Variants in UBR4 observed in about 807,000 individuals in gnomAD.
The protein encoded by UBR4 is ubiquitin protein ligase E3 component n-recognin 4.
In UBR4, 124 loss-of-function variants were observed where a neutral mutation model predicts 575.6. The observed-to-expected ratio is 0.22, with a 90% CI of 0.19 to 0.25. The LOEUF (loss-of-function observed/expected upper bound fraction) is 0.25, where lower values mean the gene tolerates loss of function less well. Among genes scored for constraint, UBR4 ranks in the 10% least tolerant of loss-of-function variants. UBR4 has a pLI of 1.00. For missense variants in UBR4, 4,818 were observed against 6,478.8 expected, an observed-to-expected ratio of 0.74 and a Z score of 8.80; for synonymous variants, 2,455 against 2,473.7, an observed-to-expected ratio of 0.99 and a Z score of 0.22.
chr1:19,187,035 G>A, intron 13 of UBR4, 129 bp downstream of exon 13: 1 of 756,622 alleles, frequency 1.3e-6, no homozygotes. Context: ...GGTCTATAAA[G>A]GTCATGGTGT....
intron 11 of UBR4, among the ~76,000 whole-genome samples, chr1:19,190,643 T>C (rs1438746498): frequency 6.6e-6 from 1 of 152,156 alleles, no homozygotes; most frequent in Non-Finnish European, 1.5e-5. Context: ...TACAACCCAG[T>C]GACCTCAAGC....
intron 55 of UBR4, 90 bp from the exon 56 acceptor site, chr1:19,141,867 G>A: frequency 6.4e-7 from 1 of 1,559,448 alleles, no homozygotes; most frequent in Non-Finnish European, 8.7e-7. Context: ...AAAAACCCAA[G>A]ACAAGCTACC....
Position 19,172,844 on chromosome 1 carries a change from G to A in UBR4, c.3521+20C>T. 6.2e-7 allele frequency: 1 copy of A among 1,610,478 alleles called. No homozygotes were observed. The highest frequency in any genetic ancestry group is 1.1e-5 in the South Asian group (1 of 90,992). Reference sequence around the variant, plus strand: ...GAGTGAAGAGTGCATGTGCATCTCTGGGCAGGCAGTTCGCCACACCTGGTG... The same window carrying A: ...GAGTGAAGAGTGCATGTGCATCTCTAGGCAGGCAGTTCGCCACACCTGGTG... On this transcript the variant is annotated intron_variant, in intron 25 of 105. Coordinates refer to ENST00000375254, the MANE Select transcript of UBR4 (RefSeq NM_020765.3).
chr1:19,103,950 G>T, intron 87 of UBR4, 134 bp downstream of exon 87: 1 of 1,020,926 alleles, frequency 9.8e-7, no homozygotes, highest in Non-Finnish European at 1.4e-6. Flanking sequence ...CAAGAAATGA[G>T]TCTCCCTTTG....
Position 19,153,812 on chromosome 1 carries a change from T to C in UBR4, c.6586A>G (p.Thr2196Ala), listed in dbSNP as rs760014767. 2.0e-5 allele frequency: 33 copies of C among 1,614,186 alleles called. 1 individual carries two copies. Among genetic ancestry groups the C allele is most frequent in the South Asian group, 5.5e-5 (5 of 91,082 alleles). Residue 2196 changes from threonine (T) to alanine (A), a missense_variant, in exon 45 of 106, where the codon ACT (threonine) becomes GCT (alanine). Around this residue, in one of 29 missense-constraint regions of UBR4, gnomAD observed 461 missense variants for 606.9 expected, o/e 0.76. Coordinates refer to ENST00000375254, the MANE Select transcript of UBR4 (RefSeq NM_020765.3). This position sits in a 1 kb window ranked among gnomAD's most constrained non-coding sequence, Gnocchi z 4.1. ...GTCTTAATCTCCTGGATAAGAAAAG[T>C]GTCTGGTTTCACCATAACTACCAGC... ...VPLVVMVKPD[T>A]FLIQEIKTLP...
intron 35 of UBR4, 63 bp downstream of exon 35, chr1:19,162,357 C>T: frequency 6.5e-7 from 1 of 1,538,392 alleles, no homozygotes. Flanking sequence ...GAGCCAAAAG[C>T]TTGGTACCAT....
chr1:19,151,454 C>G, intron 48 of UBR4, 189 bp downstream of exon 48: 1 of 658,458 alleles, frequency 1.5e-6, no homozygotes. Context: ...TGCTACCATG[C>G]TCCGGTGTAC....
chr1:19,144,975 C>A (rs545067293), intron 53 of UBR4, 68 bp from the exon 54 acceptor site: 4 of 1,585,864 alleles, frequency 2.5e-6, no homozygotes, highest in African/African-American at 1.4e-5. Context: ...GAGTCTGAGA[C>A]AAAAGTGTAA....
intron 81 of UBR4, among the ~76,000 whole-genome samples, chr1:19,109,681 G>C (rs1438656393): frequency 1.3e-5 from 2 of 152,240 alleles, no homozygotes; most frequent in Non-Finnish European, 2.9e-5. Context: ...GGAACAACTT[G>C]CCCAACATCA....
At position 19,089,812 on chromosome 1, in the gene UBR4, T is replaced by C. The variant is rs1401088056; in HGVS notation, c.14212-835A>G. Among the ~76,000 whole-genome samples, 1 of 152,196 alleles carries C rather than the reference T, an allele frequency of 6.6e-6. No individual in the cohort carries two copies. Among genetic ancestry groups the C allele is most frequent in the Non-Finnish European group, 1.5e-5 (1 of 68,028 alleles). On this transcript the variant is annotated intron_variant, in intron 97 of 105. Transcript: ENST00000375254. This position sits in a 1 kb window ranked among gnomAD's most constrained non-coding sequence, Gnocchi z 4.3. ...AAATCTGTTCTCACAGCAAGTCCAC[T>C]TCCAATCTGTGTCTCAGCGAAATTA...
chr1:19,189,999 T>C (rs1486198129), intron 11 of UBR4, among the ~76,000 whole-genome samples: 1 of 151,982 alleles, frequency 6.6e-6, no homozygotes, highest in Non-Finnish European at 1.5e-5. Context: ...AGATACAATT[T>C]GACATGGCCA....
In UBR4 at chr1:19,115,126, AGC is replaced by A. The variant is rs1437598372; in HGVS notation, c.11064-179_11064-178del. Among the ~76,000 whole-genome samples, 3 of 152,052 alleles carry A rather than the reference AGC, an allele frequency of 2.0e-5. No homozygotes were observed. In the East Asian group the frequency reaches 5.8e-4, roughly 29 times the overall value. ...CAGGTAACAAGAAAGCAAGACCCAG[AGC>A]TAAACTTCTGGACCTCCCTCCGCCC... is the stretch of plus-strand genomic sequence containing the variant. On this transcript the variant is annotated intron_variant, in intron 74 of 105. Coordinates refer to ENST00000375254, the MANE Select transcript of UBR4 (RefSeq NM_020765.3).
At chr1:19,201,162 T>C (rs10157516) in intron 2 of UBR4, among the ~76,000 whole-genome samples, 4 of 152,092 alleles carry the variant, frequency 2.6e-5, no homozygotes, top group Non-Finnish European at 5.9e-5. Flanking sequence ...TTAAAATAAT[T>C]AGAATTCTTC....
At chr1:19,085,768 G>A (rs560803156) in intron 101 of UBR4, among the ~76,000 whole-genome samples, 15 of 152,252 alleles carry the variant, frequency 9.9e-5, no homozygotes, top group Non-Finnish European at 1.2e-4. Flanking sequence ...AGCCACTTTC[G>A]TATTTAAACC....
intron 74 of UBR4, among the ~76,000 whole-genome samples, 200 bp downstream of exon 74, chr1:19,115,194 CACAT>C (rs57046868): frequency 0.33 from 41,585 of 127,106 alleles, 6,507 homozygotes; most frequent in East Asian, 0.63. Flanking sequence ...CACTCGTGTG[CACAT>C]GCACACACAC....
At chr1:19,175,079 C>T in intron 20 of UBR4, 46 bp from the exon 21 acceptor site, 1 of 1,518,228 alleles carries the variant, frequency 6.6e-7, no homozygotes, top group Non-Finnish European at 9.1e-7. Context: ...ATTCTTAACT[C>T]TATCTGACTA....
intron 97 of UBR4, among the ~76,000 whole-genome samples, chr1:19,091,546 A>T (rs2077511655): frequency 6.6e-6 from 1 of 152,266 alleles, no homozygotes; most frequent in African/African-American, 2.4e-5. Flanking sequence ...CATTTCACTG[A>T]AGATACACAG....
chr1:19,210,093 C>A lies in UBR4; in HGVS notation c.156G>T (p.Leu52=), dbSNP rs1478777704. 6 of 1,576,896 alleles carry A rather than the reference C, an allele frequency of 3.8e-6. No homozygotes were observed. In the Admixed American group the frequency reaches 9.0e-5, roughly 24 times the overall value. ...SAFEMKELPQ[L]VASVIESESE... ...GGTACCTCTCGATGACTGAGGCCAC[C>A]AGCTGCGGCAACTCCTTCATCTCGA... is the stretch of plus-strand genomic sequence containing the variant. The change falls in exon 1 of 106, where the codon CTG becomes CTT. Residue 52 remains leucine (L), a synonymous_variant. Transcript: ENST00000375254.
At position 19,087,723 on chromosome 1, in the gene UBR4, C is replaced by T; in HGVS notation, c.14544+93G>A. The T allele has an allele frequency of 5.9e-6, 6 of 1,017,020 alleles. No individual in the cohort carries two copies. In the Middle Eastern group the frequency reaches 9.4e-4, roughly 159 times the overall value. The allele number at this position is 1,017,020 out of a possible 1,614,324, so 63.0% of individuals were successfully genotyped here. A position where few individuals can be genotyped will look rare whatever the true frequency, so the allele number is the denominator to read the frequency against. On this transcript the variant is annotated intron_variant, in intron 99 of 105. Coordinates refer to ENST00000375254, the MANE Select transcript of UBR4 (RefSeq NM_020765.3). ...AGATGCAGGCCTTGATCTTGCCTAG[C>T]TAAGAACAAAATGGCCTGGAGGAGG...
Sources: allele counts gnomAD v4.1 joint callset (sites outside exome capture counted in the v4.1 genomes callset), GRCh38; gene constraint gnomAD v4.1.1; regional missense constraint gnomAD v4.1.1; non-coding constraint Gnocchi (gnomAD v3.1); transcripts MANE v1.5; gene names NCBI Gene and HGNC (gene_info 2026-07-23, HGNC 2026-07-21).